The following CEP170B variants were observed in gnomAD, a reference collection of about 807,000 sequenced individuals.
CEP170B encodes the protein centrosomal protein of 170 kDa protein B.
A neutral mutation model predicts 120.6 loss-of-function variants in CEP170B; 55 were observed. The ratio of observed to expected loss-of-function variants is 0.46; its 90% confidence interval spans 0.37 to 0.57. CEP170B has a LOEUF of 0.57. Ranked by LOEUF, CEP170B falls within the 20% of genes least tolerant of loss-of-function variation. CEP170B has a pLI of 0.00. For missense variants in CEP170B, 2,212 were observed against 2,253.3 expected (o/e 0.98, Z 0.37); for synonymous variants, 1,033 against 954.5 (o/e 1.08, Z -1.52).
chr14:104,878,591 ACACT>A (rs771149807), intron 5 of CEP170B, 90 bp downstream of exon 5: 2,506 of 1,434,132 alleles, frequency 1.7e-3, no homozygotes, highest in Non-Finnish European at 2.3e-3. Flanking sequence ...TCCCCAGCAA[ACACT>A]CACCAGGCCT....
intron 1 of CEP170B, among the ~76,000 whole-genome samples, chr14:104,866,047 G>A: frequency 1.3e-5 from 2 of 152,150 alleles, no homozygotes. Context: ...ACCTTTCCCC[G>A]CCTCACCTCT....
Position 104,887,685 on chromosome 14 carries a change from AC to A in CEP170B, c.3449del (p.Pro1150LeufsTer145). 1 of 1,580,468 alleles carries A rather than the reference AC, an allele frequency of 6.3e-7. No homozygotes were observed. Among genetic ancestry groups the A allele is most frequent in the Non-Finnish European group, 8.6e-7 (1 of 1,165,708 alleles). ...GATGGTGAGCGGGGGTCCCTGGGCAACCCTGAGCCCGTGGGCCGGCCAGCTG... is the reference window on the plus strand; with the variant it reads ...GATGGTGAGCGGGGGTCCCTGGGCAACCTGAGCCCGTGGGCCGGCCAGCTG... Reference protein sequence around the residue: ...AADGERGSLGNPEPVGRPAAE... With the variant: ...AADGERGSLGXPEPVGRPAAE... On this transcript the variant is annotated frameshift_variant, in exon 12 of 19. Coordinates refer to ENST00000414716, the MANE Select transcript of CEP170B (RefSeq NM_001112726.3). LOFTEE classifies it high-confidence loss of function.
chr14:104,885,935 T>A, intron 10 of CEP170B, 105 bp from the exon 11 acceptor site: 1 of 1,017,632 alleles, frequency 9.8e-7, no homozygotes, highest in Non-Finnish European at 1.4e-6. Flanking sequence ...CGCGCATGCG[T>A]GGGGCTGGTG....
In CEP170B at chr14:104,884,437, C is replaced by A. The variant is rs760760618; in HGVS notation, c.1658C>A (p.Thr553Asn). The A allele has an allele frequency of 2.2e-4, 340 of 1,551,222 alleles. No individual in the cohort carries two copies. The highest frequency in any genetic ancestry group is 2.9e-4 in the Non-Finnish European group (331 of 1,147,656). ...PPPAPTDPQL[T>N]KARKQEEDDS... ...CCCGCCCCCACGGACCCCCAGCTGA[C>A]CAAGGCACGGAAACAGGAGGAGGAC... Residue 553 changes from threonine to asparagine, a missense_variant, in exon 9 of 19, where the codon ACC becomes AAC. Coordinates refer to ENST00000414716, the MANE Select transcript of CEP170B (RefSeq NM_001112726.3).
intron 14 of CEP170B, 41 bp downstream of exon 14, chr14:104,893,176 C>A (rs1361371590): frequency 6.3e-7 from 1 of 1,585,226 alleles, no homozygotes; most frequent in South Asian, 1.1e-5. Flanking sequence ...CCAGAGCCAC[C>A]CTCGAGGAGG....
intron 2 of CEP170B, among the ~76,000 whole-genome samples, chr14:104,871,964 C>A (rs1895506412): frequency 1.3e-5 from 2 of 152,252 alleles, no homozygotes; most frequent in Non-Finnish European, 2.9e-5. Context: ...TGCCTCTGCT[C>A]CCCACAGTGT....
rs929961846 is a variant in CEP170B at position 104,884,272 on chromosome 14, G to A, written c.1493G>A (p.Arg498His). 3.2e-5 allele frequency: 50 copies of A among 1,543,266 alleles called. No homozygotes were observed. The highest frequency in any genetic ancestry group is 3.9e-5 in the Non-Finnish European group (45 of 1,145,534). ...TTCGGAAGCGTGGGGCGCCGCTCCCGCCTGGCCCAGGACTTCATGGCCCAG... is the reference window on the plus strand; with the variant it reads ...TTCGGAAGCGTGGGGCGCCGCTCCCACCTGGCCCAGGACTTCATGGCCCAG... ...RPFGSVGRRSRLAQDFMAQCL... is the reference protein window; with the variant it reads ...RPFGSVGRRSHLAQDFMAQCL... The change falls in exon 9 of 19, where the codon CGC (arginine) becomes CAC (histidine). Residue 498 changes from arginine (R) to histidine (H), a missense_variant. Arg to His is a conservative substitution (Grantham distance 29). Coordinates refer to ENST00000414716, the MANE Select transcript of CEP170B (RefSeq NM_001112726.3).
chr14:104,889,638 C>A lies in CEP170B; in HGVS notation c.3758C>A (p.Ala1253Asp). 6.2e-7 allele frequency: 1 copy of A among 1,611,828 alleles called. No homozygotes were observed. The highest frequency in any genetic ancestry group is 8.5e-7 in the Non-Finnish European group (1 of 1,179,754). ...TCAACAGCCACTCAGACCCCGAGGG[C>A]TGGCAGCTCCAGCCGGGCTCGTTCC... ...RYTSTTQTPRAGSSSRARSRA... is the reference protein window; with the variant it reads ...RYTSTTQTPRDGSSSRARSRA... Residue 1253 changes from alanine to aspartate, a missense_variant, in exon 13 of 19, where the codon GCT (alanine) becomes GAT (aspartate). Ala to Asp is a moderately radical substitution (Grantham distance 126). Transcript: ENST00000414716.
Position 104,868,508 on chromosome 14 carries a change from C to T in CEP170B, c.58C>T (p.Arg20Trp). 1.9e-6 allele frequency: 3 copies of T among 1,549,708 alleles called. No individual in the cohort carries two copies. Among genetic ancestry groups the T allele is most frequent in the Non-Finnish European group, 1.7e-6 (2 of 1,146,932 alleles). ...CAGCGGCGCCCGCCACCGGCTCCCT[C>T]GGGAGCTCATCTTCGTGGGGCGTGA... The part of the protein sequence containing the change: ...SSSGARHRLP[R>W]ELIFVGREEC... Residue 20 changes from arginine to tryptophan, a missense_variant, in exon 2 of 19, where the codon CGG (arginine) becomes TGG (tryptophan). Physicochemically the swap from Arg to Trp is moderately radical, Grantham distance 101 (BLOSUM62 -3). Around this residue, in one of 2 missense-constraint regions of CEP170B, gnomAD observed 46 missense variants for 86.6 expected, o/e 0.53. Transcript: ENST00000414716. The surrounding 1 kb of genome is among the most constrained non-coding windows in gnomAD (Gnocchi z 5.9).
At chr14:104,876,053 G>T (rs1237621186) in intron 2 of CEP170B, among the ~76,000 whole-genome samples, 1 of 152,196 alleles carries the variant, frequency 6.6e-6, no homozygotes, top group East Asian at 1.9e-4. Context: ...GAGGCCTGGG[G>T]CAGCAGCAGA....
At position 104,887,578 on chromosome 14, in the gene CEP170B, C is replaced by T. The variant is rs762791503; in HGVS notation, c.3339C>T (p.Asn1113=). 3.6e-5 allele frequency: 58 copies of T among 1,593,048 alleles called. No individual in the cohort carries two copies. The highest frequency in any genetic ancestry group is 3.5e-5 in the Non-Finnish European group (41 of 1,171,300). ...QKGPQALTRS[N]SLSTPRPTRA... is the part of the protein sequence containing the mutation. ...GGCCGCAGGCCTTGACCCGCTCCAACAGCCTGTCCACCCCTCGCCCCACAC... is the reference window on the plus strand; with the variant it reads ...GGCCGCAGGCCTTGACCCGCTCCAATAGCCTGTCCACCCCTCGCCCCACAC... The change falls in exon 12 of 19, where the codon AAC becomes AAT. Residue 1113 remains asparagine, a synonymous_variant. Transcript: ENST00000414716.
rs1437410186 is a variant in CEP170B at position 104,867,494 on chromosome 14, G to A, written c.-27-930G>A. 1.3e-5 allele frequency among the ~76,000 whole-genome samples: 2 copies of A among 152,160 alleles called. No homozygotes were observed. Among genetic ancestry groups the A allele is most frequent in the African/African-American group, 2.4e-5 (1 of 41,434 alleles). On this transcript the variant is annotated intron_variant, in intron 1 of 18. Coordinates refer to ENST00000414716, the MANE Select transcript of CEP170B (RefSeq NM_001112726.3). This position sits in a 1 kb window ranked among gnomAD's most constrained non-coding sequence, Gnocchi z 5.4. ...GGTCACAGCTGGCTTAGCCCAGGCC[G>A]CCTAGCCCATAGCAGCACTCAGGAT...
Position 104,893,591 on chromosome 14 carries a change from G to A in CEP170B, c.4107G>A (p.Arg1369=), listed in dbSNP as rs201416051. 602 of 1,603,510 alleles carry A rather than the reference G, an allele frequency of 3.8e-4. 3 individuals carry two copies. The African/African-American group carries it at 6.9e-3, about 18-fold the overall frequency. ...TGCCGCCCGGCTCGCTGAACTCTCG[G>A]GACTTTGACCAGAACATGAACGACA... ...QKVPPGSLNS[R]DFDQNMNDSC... The change falls in exon 15 of 19, where the codon CGG becomes CGA. Residue 1369 remains arginine, a synonymous_variant. Coordinates refer to ENST00000414716, the MANE Select transcript of CEP170B (RefSeq NM_001112726.3).
chr14:104,896,458 C>T lies in CEP170B; in HGVS notation c.*1500C>T. ...TGCATGCCCCAGTTGCCCACCCCGCCTGCCCCTGGACATGAAGTGGTCACG... is the reference window on the plus strand; with the variant it reads ...TGCATGCCCCAGTTGCCCACCCCGCTTGCCCCTGGACATGAAGTGGTCACG... On this transcript the variant is annotated 3_prime_UTR_variant, in exon 19 of 19. Coordinates refer to ENST00000414716, the MANE Select transcript of CEP170B (RefSeq NM_001112726.3). 2.4e-6 allele frequency: 1 copy of T among 410,770 alleles called. No individual in the cohort carries two copies. The highest frequency in any genetic ancestry group is 2.7e-5 in the Admixed American group (1 of 36,870). The allele number at this position is 410,770 out of a possible 1,614,324, so 25.4% of individuals were successfully genotyped here.
rs1353321149 is a variant in CEP170B at position 104,867,441 on chromosome 14, G to GC, written c.-27-979dup. Among the ~76,000 whole-genome samples, 1 of 152,168 alleles carries GC rather than the reference G, an allele frequency of 6.6e-6. No homozygotes were observed. Among genetic ancestry groups the GC allele is most frequent in the Admixed American group, 6.5e-5 (1 of 15,286 alleles). On this transcript the variant is annotated intron_variant, in intron 1 of 18. Transcript: ENST00000414716. This position sits in a 1 kb window ranked among gnomAD's most constrained non-coding sequence, Gnocchi z 5.4. ...CTGTGCCTGCCCCCTGCTGAAGGGA[G>GC]CCCCAGGATTCTGAGACTCTGTGTC...
chr14:104,871,542 G>A (rs376495930), intron 2 of CEP170B, among the ~76,000 whole-genome samples: 100 of 152,210 alleles, frequency 6.6e-4, no homozygotes, highest in African/African-American at 2.4e-3. Flanking sequence ...TGCTTTCGGC[G>A]CCACATCTTT....
At chr14:104,880,221 G>T (rs1202007400) in intron 5 of CEP170B, 66 bp from the exon 6 acceptor site, 5 of 1,543,028 alleles carry the variant, frequency 3.2e-6, no homozygotes, top group Non-Finnish European at 4.4e-6. Flanking sequence ...GGAGAGGCTG[G>T]GCCCACCCTG....
intron 3 of CEP170B, among the ~76,000 whole-genome samples, chr14:104,876,870 T>C (rs1445087618): frequency 6.6e-6 from 1 of 151,994 alleles, no homozygotes; most frequent in African/African-American, 2.4e-5. Flanking sequence ...GGCAGGAAGG[T>C]AACCCGGAGG....
Position 104,895,051 on chromosome 14 carries a change from C to T in CEP170B, c.*93C>T. On this transcript the variant is annotated 3_prime_UTR_variant, in exon 19 of 19. Transcript: ENST00000414716. ...GCCTGCCTGGCCGCAGGTGGTTCTC[C>T]CTGAAGACCCCCACATGTGCCATAT... The T allele has an allele frequency of 7.3e-7, 1 of 1,369,182 alleles. No homozygotes were observed. The highest frequency in any genetic ancestry group is 9.7e-7 in the Non-Finnish European group (1 of 1,027,018). The allele number at this position is 1,369,182 out of a possible 1,614,324, so 84.8% of individuals were successfully genotyped here.
Sources: gnomAD v4.1 joint callset for allele counts (sites outside exome capture counted in the v4.1 genomes callset) on GRCh38, gnomAD v4.1.1 for gene constraint, gnomAD v4.1.1 regional missense constraint, Gnocchi (gnomAD v3.1) non-coding constraint, MANE v1.5 for transcripts, NCBI Gene and HGNC (gene_info 2026-07-23, HGNC 2026-07-21) for gene names.